DNAAF5: variants seen among roughly 807,000 people sequenced by gnomAD.
DNAAF5 encodes HEAT repeat containing 2.
In DNAAF5, 64 loss-of-function variants were observed where a neutral mutation model predicts 75.8. That is an observed-to-expected ratio of 0.84 (90% CI 0.69 to 1.04). The LOEUF is 1.04. DNAAF5 is among the 50% of genes least tolerant of loss of function. The pLI is 0.00. For synonymous variants in DNAAF5, 657 were observed against 557.2 expected, an observed-to-expected ratio of 1.18 and a Z score of -2.52; for missense variants, 1,269 against 1,178.5, an observed-to-expected ratio of 1.08 and a Z score of -1.12.
intron 11 of DNAAF5, among the ~76,000 whole-genome samples, chr7:779,263 C>T (rs914048449): frequency 3.3e-5 from 5 of 152,154 alleles, no homozygotes; most frequent in Non-Finnish European, 7.4e-5. Context: ...CTCCCAGCGT[C>T]GGGAAGATGG....
intron 10 of DNAAF5, 139 bp from the exon 11 acceptor site, chr7:774,867 A>G (rs1282252963): frequency 8.2e-6 from 6 of 729,944 alleles, no homozygotes; most frequent in Non-Finnish European, 4.7e-6. Flanking sequence ...TAAATTTTAC[A>G]ATGAAGATTC....
At chr7:774,274 G>C in intron 10 of DNAAF5, 76 bp downstream of exon 10, 1 of 1,441,560 alleles carries the variant, frequency 6.9e-7, no homozygotes, top group Non-Finnish European at 9.2e-7. Flanking sequence ...CAGAGCTCCC[G>C]CAGCAGGAAC....
In DNAAF5 at chr7:727,255, T is replaced by A; in HGVS notation, c.535T>A (p.Phe179Ile). The change falls in exon 1 of 13, where the codon TTC becomes ATC. Residue 179 changes from phenylalanine to isoleucine, a missense_variant. Physicochemically the swap from Phe to Ile is conservative, Grantham distance 21 (BLOSUM62 0). Transcript: ENST00000297440. ...RALRCSLLDP[F>I]AAVRRESCSC... Reference sequence around the variant, plus strand: ...GCTGCGCTGCTCCCTGCTCGACCCCTTCGCCGCCGTGCGCCGCGAGAGCTG... The same window carrying A: ...GCTGCGCTGCTCCCTGCTCGACCCCATCGCCGCCGTGCGCCGCGAGAGCTG... The A allele has an allele frequency of 7.5e-7, 1 of 1,336,740 alleles. No individual in the cohort carries two copies. Among genetic ancestry groups the A allele is most frequent in the Admixed American group, 3.7e-5 (1 of 26,886 alleles). The allele number at this position is 1,336,740 out of a possible 1,614,324, so 82.8% of individuals were successfully genotyped here. A position where few individuals can be genotyped will look rare whatever the true frequency, so the allele number is the denominator to read the frequency against.
At chr7:762,317 C>A (rs149671665) in intron 7 of DNAAF5, among the ~76,000 whole-genome samples, 2,289 of 152,146 alleles carry the variant, frequency 0.015, 37 homozygotes, top group East Asian at 0.11. Context: ...GAAACCCCGT[C>A]TCTACTAAAA....
chr7:747,015 G>A (rs906780640), intron 4 of DNAAF5, among the ~76,000 whole-genome samples: 2 of 152,242 alleles, frequency 1.3e-5, no homozygotes, highest in Admixed American at 1.3e-4. Flanking sequence ...TCCCGTGGAT[G>A]GACCATCTGG....
At chr7:739,942 G>A (rs1025474801) in intron 2 of DNAAF5, among the ~76,000 whole-genome samples, 3 of 152,210 alleles carry the variant, frequency 2.0e-5, no homozygotes, top group Non-Finnish European at 4.4e-5. Flanking sequence ...ATGGTGCATG[G>A]CTGGGCAGAG....
At chr7:778,505 C>G (rs1036508638) in intron 11 of DNAAF5, 1 of 152,308 alleles carries the variant, frequency 6.6e-6, no homozygotes, top group Non-Finnish European at 1.5e-5. Flanking sequence ...CTGGCTTAGT[C>G]GTGCATGAAA....
intron 12 of DNAAF5, among the ~76,000 whole-genome samples, chr7:780,825 T>G (rs4367433): frequency 6.9e-6 from 1 of 144,628 alleles, no homozygotes; most frequent in Non-Finnish European, 1.5e-5. Flanking sequence ...CTTTTTTTTT[T>G]CTTTTTTTTT....
chr7:761,808 A>G lies in DNAAF5; in HGVS notation c.1526A>G (p.His509Arg). 1 of 1,609,276 alleles carries G rather than the reference A, an allele frequency of 6.2e-7. No homozygotes were observed. The highest frequency in any genetic ancestry group is 1.7e-5 in the Admixed American group (1 of 59,492). Residue 509 changes from histidine to arginine, a missense_variant, in exon 7 of 13, where the codon CAT becomes CGT. Transcript: ENST00000297440. ...LCVQALVSVC[H>R]EDCGVASLQL... ...GTGCAGGCTCTGGTGTCTGTGTGTC[A>G]TGAGGACTGTGGCGTGGCCAGCCTG...
chr7:786,245 A>C lies in DNAAF5; in HGVS notation c.*592A>C, dbSNP rs2128088527. 1 of 152,470 alleles carries C rather than the reference A, an allele frequency of 6.6e-6. No homozygotes were observed. The highest frequency in any genetic ancestry group is 2.1e-4 in the South Asian group (1 of 4,834). 9.4% of individuals were successfully genotyped at this position (152,470 alleles called of 1,614,324 possible). A position where few individuals can be genotyped will look rare whatever the true frequency, so the allele number is the denominator to read the frequency against. On this transcript the variant is annotated 3_prime_UTR_variant, in exon 13 of 13. Coordinates refer to ENST00000297440, the MANE Select transcript of DNAAF5 (RefSeq NM_017802.4). Reference sequence around the variant, plus strand: ...GGTGTTAATGCTAACAGTGTTGAAAACAATATTTCATGAGATCTAATTGTG... The same window carrying C: ...GGTGTTAATGCTAACAGTGTTGAAACCAATATTTCATGAGATCTAATTGTG...
rs1342691602 is a variant in DNAAF5, at chr7:756,973, C to T, written c.1449C>T (p.His483=). ...AAIATELAQA[H]ICQASENDLY... is the part of the protein sequence containing the mutation. ...TCGCCACAGAGCTGGCACAGGCCCACATCTGCCAGGCATCTGAAAACGTAA... is the reference window on the plus strand; with the variant it reads ...TCGCCACAGAGCTGGCACAGGCCCATATCTGCCAGGCATCTGAAAACGTAA... Residue 483 remains histidine (H), a synonymous_variant, in exon 6 of 13, where the codon CAC becomes CAT. Coordinates refer to ENST00000297440, the MANE Select transcript of DNAAF5 (RefSeq NM_017802.4). 1 of 1,604,960 alleles carries T rather than the reference C, an allele frequency of 6.2e-7. No individual in the cohort carries two copies. Among genetic ancestry groups the T allele is most frequent in the Non-Finnish European group, 8.5e-7 (1 of 1,179,810 alleles).
chr7:768,479 T>C (rs1193110771), intron 8 of DNAAF5: 1 of 142,522 alleles, frequency 7.0e-6, no homozygotes, highest in East Asian at 2.2e-4. Flanking sequence ...CGGGCGGAAG[T>C]GTCCGTGCAG....
At chr7:781,881 A>T (rs1238826637) in intron 12 of DNAAF5, among the ~76,000 whole-genome samples, 1 of 152,188 alleles carries the variant, frequency 6.6e-6, no homozygotes, top group African/African-American at 2.4e-5. Flanking sequence ...CATATATTCC[A>T]GTGATTAATC....
intron 4 of DNAAF5, among the ~76,000 whole-genome samples, chr7:751,910 C>T (rs1205580862): frequency 6.6e-6 from 1 of 152,118 alleles, no homozygotes; most frequent in African/African-American, 2.4e-5. Flanking sequence ...ATCAAAGTCC[C>T]TGAAGGCTTT....
chr7:770,218 C>T (rs1446404342), intron 8 of DNAAF5, among the ~76,000 whole-genome samples: 3 of 152,244 alleles, frequency 2.0e-5, no homozygotes, highest in Non-Finnish European at 4.4e-5. Context: ...TCCCAAAGTG[C>T]TGGGATTATA....
In DNAAF5 at chr7:774,966, G is replaced by T. The variant is rs763300270; in HGVS notation, c.2083-40G>T. 3.1e-6 allele frequency: 5 copies of T among 1,609,086 alleles called. No individual in the cohort carries two copies. In the South Asian group the frequency reaches 5.5e-5, roughly 18 times the overall value. On this transcript the variant is annotated intron_variant, in intron 10 of 12. Transcript: ENST00000297440. ...GGTGAGCACCCCCACCCCACCCCAGGACAGATGTGAGTCACGTCGTATGTG... is the reference window on the plus strand; with the variant it reads ...GGTGAGCACCCCCACCCCACCCCAGTACAGATGTGAGTCACGTCGTATGTG...
chr7:733,958 T>C (rs775077900), intron 2 of DNAAF5, among the ~76,000 whole-genome samples: 33 of 152,256 alleles, frequency 2.2e-4, no homozygotes, highest in Non-Finnish European at 4.4e-4. Context: ...TTGGTGATTT[T>C]GTATCCTGCA....
rs544656645 is a variant in DNAAF5, at chr7:731,713, C to T, written c.780+1866C>T. Among the ~76,000 whole-genome samples, 5 of 152,030 alleles carry T rather than the reference C, an allele frequency of 3.3e-5. No homozygotes were observed. In the South Asian group the frequency reaches 1.0e-3, roughly 32 times the overall value. ...TTTTTTCTTTTAGCTCGTCAGCTAT[C>T]ATTAGTGTTAGTGTTATTTTATGTG... On this transcript the variant is annotated intron_variant, in intron 2 of 12. Transcript: ENST00000297440.
In DNAAF5 at chr7:726,735, G is replaced by C. The variant is rs1457734920; in HGVS notation, c.15G>C (p.Gly5=). The change falls in exon 1 of 13, where the codon GGG becomes GGC. Residue 5 remains glycine, a synonymous_variant. Transcript: ENST00000297440. MAAL[G]VAEAVAAPHP... is the part of the protein sequence containing the mutation. Reference sequence around the variant, plus strand: ...ACGCGGGCAAGATGGCGGCGCTGGGGGTGGCGGAGGCCGTGGCGGCCCCAC... The same window carrying C: ...ACGCGGGCAAGATGGCGGCGCTGGGCGTGGCGGAGGCCGTGGCGGCCCCAC... 8.0e-7 allele frequency: 1 copy of C among 1,243,860 alleles called. No homozygotes were observed. The highest frequency in any genetic ancestry group is 1.5e-5 in the African/African-American group (1 of 64,524). 77.1% of individuals were successfully genotyped at this position (1,243,860 alleles called of 1,614,324 possible). A position where few individuals can be genotyped will look rare whatever the true frequency, so the allele number is the denominator to read the frequency against.
Sources: gnomAD v4.1 joint callset for allele counts (sites outside exome capture counted in the v4.1 genomes callset) on GRCh38, gnomAD v4.1.1 for gene constraint, MANE v1.5 for transcripts, NCBI Gene and HGNC (gene_info 2026-07-23, HGNC 2026-07-21) for gene names.